The following SEC31A variants were observed in gnomAD, a reference collection of about 807,000 sequenced individuals.
SEC31A encodes the protein protein transport protein Sec31A.
A neutral mutation model predicts 151.0 loss-of-function variants in SEC31A; 70 were observed. That is an observed-to-expected ratio of 0.46 (90% confidence interval 0.38 to 0.57). SEC31A has a LOEUF of 0.57. SEC31A is among the 20% of genes least tolerant of loss of function. The probability of loss-of-function intolerance (pLI) is 0.00; values close to 1 mark genes in which losing one functional copy is unlikely to be tolerated. For synonymous variants in SEC31A, 475 were observed against 505.9 expected (o/e 0.94, Z 0.82); for missense variants, 1,330 against 1,471.2 (o/e 0.90, Z 1.57).
At position 82,824,598 on chromosome 4, in the gene SEC31A, A is replaced by C; in HGVS notation, c.3368T>G (p.Phe1123Cys). The change falls in exon 25 of 27, where the codon TTT becomes TGT. Residue 1123 changes from phenylalanine (F) to cysteine (C), a missense_variant. Physicochemically the swap from Phe to Cys is radical, Grantham distance 205 (BLOSUM62 -2). Coordinates refer to ENST00000395310, the MANE Select transcript of SEC31A (RefSeq NM_001077207.4). Reference sequence around the variant, plus strand: ...AAGGCAGCGCTGAATAAGATCCTCAAATGTGGTCTTTAGAATGAGGTGCTC... The same window carrying C: ...AAGGCAGCGCTGAATAAGATCCTCACATGTGGTCTTTAGAATGAGGTGCTC... ...PDEHLILKTT[F>C]EDLIQRCLSS... 6.2e-7 allele frequency: 1 copy of C among 1,614,102 alleles called. No homozygotes were observed. The highest frequency in any genetic ancestry group is 8.5e-7 in the Non-Finnish European group (1 of 1,179,964).
chr4:82,895,854 T>C (rs919950510), upstream of SEC31A: 2 of 152,260 alleles, frequency 1.3e-5, no homozygotes, highest in Non-Finnish European at 2.9e-5. Context: ...TTTTCTATTA[T>C]GTCCTCATCC....
At chr4:82,876,461 T>C (rs371101191) in intron 4 of SEC31A, among the ~76,000 whole-genome samples, 23 of 152,352 alleles carry the variant, frequency 1.5e-4, no homozygotes, top group Admixed American at 1.0e-3. Context: ...TGTTTGTATC[T>C]TTGCATCTCT....
At chr4:82,884,143 C>T (rs1035198509) in intron 1 of SEC31A, among the ~76,000 whole-genome samples, 2 of 151,752 alleles carry the variant, frequency 1.3e-5, no homozygotes, top group African/African-American at 2.4e-5. Flanking sequence ...CACACCACCA[C>T]ATCAGGCTAA....
intron 22 of SEC31A, among the ~76,000 whole-genome samples, chr4:82,838,390 G>A (rs1158137106): frequency 1.3e-5 from 2 of 152,140 alleles, no homozygotes; most frequent in Non-Finnish European, 2.9e-5. Flanking sequence ...AAAACTCCCT[G>A]CTATCCTGTG....
In SEC31A at chr4:82,819,259, A is replaced by G; in HGVS notation, c.3484-6T>C. 6.4e-7 allele frequency: 1 copy of G among 1,553,338 alleles called. No homozygotes were observed. Among genetic ancestry groups the G allele is most frequent in the Non-Finnish European group, 8.7e-7 (1 of 1,148,934 alleles). On this transcript the variant is annotated splice_polypyrimidine_tract_variant and splice_region_variant and intron_variant, in intron 26 of 26. Transcript: ENST00000395310. ...CTGGTGATTGTTGGTGAAAGCTGAAACAAAAGTGAACCAAGAGAAAGAATT... is the reference window on the plus strand; with the variant it reads ...CTGGTGATTGTTGGTGAAAGCTGAAGCAAAAGTGAACCAAGAGAAAGAATT...
At chr4:82,849,250 T>A (rs1480277546) in intron 19 of SEC31A, among the ~76,000 whole-genome samples, 3 of 152,136 alleles carry the variant, frequency 2.0e-5, no homozygotes, top group Admixed American at 6.5e-5. Flanking sequence ...AAGACCAATA[T>A]CACTTATTAC....
At chr4:82,854,738 T>TA (rs1732251889) in intron 17 of SEC31A, among the ~76,000 whole-genome samples, 165 bp downstream of exon 17, 1 of 151,496 alleles carries the variant, frequency 6.6e-6, no homozygotes, top group Non-Finnish European at 1.5e-5. Context: ...AGAGTAGGTA[T>TA]GAAGACGTAT....
chr4:82,834,433 A>G (rs551435325), intron 22 of SEC31A, among the ~76,000 whole-genome samples: 127 of 152,328 alleles, frequency 8.3e-4, no homozygotes, highest in South Asian at 5.2e-3. Context: ...AGCACAAAAA[A>G]GTCTATGGAA....
At position 82,818,722 on chromosome 4, in the gene SEC31A, A is replaced by G. The variant is rs1722740027; in HGVS notation, c.*352T>C. ...AGTAGGGAGGACATGAAAGAAATTT[A>G]GTTTTAGCTCTGCTTTATGCATAAC... On this transcript the variant is annotated 3_prime_UTR_variant, in exon 27 of 27. Coordinates refer to ENST00000395310, the MANE Select transcript of SEC31A (RefSeq NM_001077207.4). The G allele has an allele frequency of 6.1e-6, 1 of 164,912 alleles. No homozygotes were observed. The highest frequency in any genetic ancestry group is 2.0e-4 in the South Asian group (1 of 4,988). The allele number at this position is 164,912 out of a possible 1,614,324, so 10.2% of individuals were successfully genotyped here.
chr4:82,849,040 A>G, intron 19 of SEC31A, 63 bp from the exon 20 acceptor site: 1 of 1,406,004 alleles, frequency 7.1e-7, no homozygotes, highest in Non-Finnish European at 9.8e-7. Flanking sequence ...ACAGCATGTT[A>G]ATTTTCTTAA....
At position 82,848,997 on chromosome 4, in the gene SEC31A, C is replaced by A. The variant is rs376688057; in HGVS notation, c.2329-20G>T. The A allele has an allele frequency of 1.2e-6, 2 of 1,607,912 alleles. No homozygotes were observed. Among genetic ancestry groups the A allele is most frequent in the African/African-American group, 2.7e-5 (2 of 74,682 alleles). ...ATTTGGCTAAAAAGGATTGGAAAAA[C>A]AGCAGACTGTTGAGAGTTCACCCAG... On this transcript the variant is annotated intron_variant, in intron 19 of 26. Coordinates refer to ENST00000395310, the MANE Select transcript of SEC31A (RefSeq NM_001077207.4).
At chr4:82,859,796 T>A (rs201587130) in intron 14 of SEC31A, among the ~76,000 whole-genome samples, 66,278 of 149,432 alleles carry the variant, frequency 0.44, 16,875 homozygotes, top group Admixed American at 0.59. Flanking sequence ...AAAATATTTT[T>A]TTTTTTTTTT....
At chr4:82,841,082 A>C (rs1401952134) in intron 22 of SEC31A, among the ~76,000 whole-genome samples, 2 of 152,200 alleles carry the variant, frequency 1.3e-5, no homozygotes, top group African/African-American at 4.8e-5. Flanking sequence ...CTTAGCTTAA[A>C]ACATAAATAT....
At chr4:82,858,333 C>T (rs1048810032) in intron 14 of SEC31A, among the ~76,000 whole-genome samples, 8 of 151,498 alleles carry the variant, frequency 5.3e-5, no homozygotes, top group South Asian at 4.2e-4. Context: ...ATCACGAGGT[C>T]GGGAGATCGA....
At chr4:82,846,196 G>C (rs1301511536) in intron 20 of SEC31A, among the ~76,000 whole-genome samples, 1 of 151,606 alleles carries the variant, frequency 6.6e-6, no homozygotes, top group African/African-American at 2.4e-5. Flanking sequence ...GTAGAGACGG[G>C]GTTTCACTGT....
At chr4:82,845,702 A>T (rs1729949264) in intron 20 of SEC31A, among the ~76,000 whole-genome samples, 1 of 152,142 alleles carries the variant, frequency 6.6e-6, no homozygotes, top group African/African-American at 2.4e-5. Context: ...AATAGTATTC[A>T]AGCTACTACT....
At chr4:82,889,350 G>T (rs1741698907) in intron 1 of SEC31A, among the ~76,000 whole-genome samples, 1 of 152,014 alleles carries the variant, frequency 6.6e-6, no homozygotes, top group Non-Finnish European at 1.5e-5. Flanking sequence ...GCAGGAGCTT[G>T]AGTCCAGCCT....
intron 22 of SEC31A, among the ~76,000 whole-genome samples, chr4:82,831,594 C>T (rs1725957913): frequency 6.6e-6 from 1 of 152,196 alleles, no homozygotes; most frequent in Admixed American, 6.5e-5. Flanking sequence ...AGACTTCAAC[C>T]TGCATTTGAT....
At position 82,856,885 on chromosome 4, in the gene SEC31A, A is replaced by G. The variant is rs571429233; in HGVS notation, c.1881+67T>C. On this transcript the variant is annotated intron_variant, in intron 16 of 26. Coordinates refer to ENST00000395310, the MANE Select transcript of SEC31A (RefSeq NM_001077207.4). ...GGTTTCTGCATTTCAGTTATCTATA[A>G]TAACAGTGTATTGTTTTTATAATTA... 62 of 1,312,382 alleles carry G rather than the reference A, an allele frequency of 4.7e-5. No individual in the cohort carries two copies. In the South Asian group the frequency reaches 8.2e-4, roughly 17 times the overall value. The allele number at this position is 1,312,382 out of a possible 1,614,324, so 81.3% of individuals were successfully genotyped here.
Sources: allele counts gnomAD v4.1 joint callset (sites outside exome capture counted in the v4.1 genomes callset), GRCh38; gene constraint gnomAD v4.1.1; transcripts MANE v1.5; gene names NCBI Gene and HGNC (gene_info 2026-07-23, HGNC 2026-07-21).